TRIP11: variants seen among roughly 807,000 people sequenced by gnomAD.
TRIP11 encodes the protein thyroid hormone receptor interactor 11.
TRIP11 carries 148 observed loss-of-function variants against 223.1 expected under a neutral mutation model. That is an observed-to-expected ratio of 0.66 (90% CI 0.58 to 0.76). The LOEUF (loss-of-function observed/expected upper bound fraction) is 0.76, where lower values mean the gene tolerates loss of function less well. TRIP11 is among the 30% of genes least tolerant of loss of function. The pLI is 0.00. For missense variants in TRIP11, 2,043 were observed against 2,222.0 expected, an observed-to-expected ratio of 0.92 and a Z score of 1.62; for synonymous variants, 762 against 772.6, an observed-to-expected ratio of 0.99 and a Z score of 0.23.
intron 1 of TRIP11, among the ~76,000 whole-genome samples, chr14:92,034,567 G>T (rs1382660196): frequency 1.3e-5 from 2 of 152,144 alleles, no homozygotes; most frequent in Non-Finnish European, 2.9e-5. Flanking sequence ...AATACACTGA[G>T]AACACTTATT....
At position 92,005,712 on chromosome 14, in the gene TRIP11, G is replaced by A. The variant is rs1383020817; in HGVS notation, c.2264C>T (p.Ser755Phe). 1.2e-6 allele frequency: 2 copies of A among 1,613,928 alleles called. No homozygotes were observed. The highest frequency in any genetic ancestry group is 1.3e-5 in the African/African-American group (1 of 75,054). Residue 755 changes from serine (S) to phenylalanine (F), a missense_variant, in exon 11 of 21, where the codon TCT becomes TTT. Transcript: ENST00000267622. ...ELSNARNLNT[S>F]ALQLEHEHLI... ...ATGCTCATGTTCCAGCTGTAAGGCA[G>A]AGGTATTCAAATTACGTGCATTTGA... is the stretch of plus-strand genomic sequence containing the variant.
In TRIP11 at chr14:91,966,286, G is replaced by A; in HGVS notation, c.*3387C>T. ...GACTGGCAAATAATCACAAATGTCAGAACATTAAAGTAGCATTTTTTCCAT... is the reference window on the plus strand; with the variant it reads ...GACTGGCAAATAATCACAAATGTCAAAACATTAAAGTAGCATTTTTTCCAT... On this transcript the variant is annotated 3_prime_UTR_variant, in exon 21 of 21. Coordinates refer to ENST00000267622, the MANE Select transcript of TRIP11 (RefSeq NM_004239.4). 1 of 178,378 alleles carries A rather than the reference G, an allele frequency of 5.6e-6. No homozygotes were observed. The highest frequency in any genetic ancestry group is 1.2e-5 in the Non-Finnish European group (1 of 83,010). 11.0% of individuals were successfully genotyped at this position (178,378 alleles called of 1,614,324 possible). A position where few individuals can be genotyped will look rare whatever the true frequency, so the allele number is the denominator to read the frequency against.
chr14:91,971,331 C>T (rs922973933), intron 20 of TRIP11, among the ~76,000 whole-genome samples: 3 of 152,166 alleles, frequency 2.0e-5, no homozygotes, highest in African/African-American at 4.8e-5. Flanking sequence ...GACAACTTTC[C>T]GAACTCTGGG....
intron 1 of TRIP11, among the ~76,000 whole-genome samples, chr14:92,036,754 T>C (rs944967173): frequency 3.3e-5 from 5 of 152,208 alleles, no homozygotes; most frequent in Non-Finnish European, 7.3e-5. Context: ...TTTATTTTTT[T>C]AGACAGGGTC....
intron 20 of TRIP11, 85 bp downstream of exon 20, chr14:91,972,632 A>C: frequency 7.2e-7 from 1 of 1,397,966 alleles, no homozygotes; most frequent in African/African-American, 1.4e-5. Flanking sequence ...AAATACTAAA[A>C]ATTTAGTTAA....
chr14:91,974,933 C>A (rs74071678), intron 18 of TRIP11, among the ~76,000 whole-genome samples, 190 bp from the exon 19 acceptor site: 1 of 152,084 alleles, frequency 6.6e-6, no homozygotes, highest in Non-Finnish European at 1.5e-5. Context: ...AAATGAAAGT[C>A]TGGGGATATT....
At position 91,993,376 on chromosome 14, in the gene TRIP11, T is replaced by C. The variant is rs577022156; in HGVS notation, c.5160+433A>G. The stretch of plus-strand genomic sequence containing the variant: ...CTGTAATCCCAGCTACTTGGGAGGC[T>C]GAGGCAGGAGAATTGCTTGAACCCG... On this transcript the variant is annotated intron_variant, in intron 15 of 20. Transcript: ENST00000267622. Among the ~76,000 whole-genome samples, 4 of 146,598 alleles carry C rather than the reference T, an allele frequency of 2.7e-5. No individual in the cohort carries two copies. The South Asian group carries it at 8.4e-4, about 31-fold the overall frequency.
intron 11 of TRIP11, among the ~76,000 whole-genome samples, chr14:92,000,884 G>A (rs1259763839): frequency 3.4e-5 from 5 of 146,440 alleles, no homozygotes; most frequent in African/African-American, 2.5e-5. Flanking sequence ...TTTTTGAGAC[G>A]GAGTCTTGCT....
chr14:91,975,309 A>G, intron 17 of TRIP11, 23 bp from the exon 18 acceptor site: 2 of 1,556,800 alleles, frequency 1.3e-6, no homozygotes, highest in Admixed American at 3.3e-5. Context: ...AGGCAGAAAC[A>G]GCTCAAGTGA....
chr14:91,977,159 A>G, intron 16 of TRIP11: 1 of 444,058 alleles, frequency 2.3e-6, no homozygotes, highest in Non-Finnish European at 4.5e-6. Context: ...TTTTCCTAGT[A>G]GTAGCTGGAT....
rs1464001362 is a variant in TRIP11, at chr14:92,021,735, C to T, written c.409G>A (p.Val137Ile). 15 of 1,614,024 alleles carry T rather than the reference C, an allele frequency of 9.3e-6. No homozygotes were observed. The highest frequency in any genetic ancestry group is 4.0e-5 in the African/African-American group (3 of 74,930). The change falls in exon 4 of 21, where the codon GTA (valine) becomes ATA (isoleucine). Residue 137 changes from valine to isoleucine, a missense_variant. Physicochemically the swap from Val to Ile is conservative, Grantham distance 29. Transcript: ENST00000267622. ...GAAGATGATGCAGTGGTTGCTGGTA[C>T]ACCAGCTCCTGAAGGTACTGACTGA... Reference protein sequence around the residue: ...AAQSVPSGAGVPATTASSSFA... With the variant: ...AAQSVPSGAGIPATTASSSFA...
At chr14:91,979,257 C>CAA (rs558337126) in intron 16 of TRIP11, among the ~76,000 whole-genome samples, 35,374 of 102,418 alleles carry the variant, frequency 0.35, 5,162 homozygotes, top group Middle Eastern at 0.43. Context: ...ACCCTGTCTC[C>CAA]AAAAAAAAAA....
At chr14:92,027,139 A>G (rs1013846740) in intron 2 of TRIP11, among the ~76,000 whole-genome samples, 1 of 151,982 alleles carries the variant, frequency 6.6e-6, no homozygotes, top group Non-Finnish European at 1.5e-5. Flanking sequence ...TTTAAAAAGG[A>G]AATTTGTATT....
In TRIP11 at chr14:92,003,846, A is replaced by G. The variant is rs1595386646; in HGVS notation, c.4130T>C (p.Ile1377Thr). ...TCTTTCTAGCTCTGAGGTGGCAGCA[A>G]TCGAATCAGACAATCTGTGGTTATT... ...QENNHRLSDS[I>T]AATSELERKE... Residue 1377 changes from isoleucine (I) to threonine (T), a missense_variant, in exon 11 of 21, where the codon ATT becomes ACT. Ile to Thr is a moderately conservative substitution (Grantham distance 89). Transcript: ENST00000267622. The G allele has an allele frequency of 1.9e-6, 3 of 1,614,112 alleles. No homozygotes were observed. Among genetic ancestry groups the G allele is most frequent in the Non-Finnish European group, 2.5e-6 (3 of 1,180,044 alleles).
At chr14:92,027,562 TAAC>T (rs1201505109) in intron 2 of TRIP11, among the ~76,000 whole-genome samples, 4 of 152,140 alleles carry the variant, frequency 2.6e-5, no homozygotes, top group South Asian at 2.1e-4. Flanking sequence ...TGAGTTGTTC[TAAC>T]AACAACAACA....
chr14:92,014,383 T>A lies in TRIP11; in HGVS notation c.1018A>T (p.Asn340Tyr). 1 of 1,613,832 alleles carries A rather than the reference T, an allele frequency of 6.2e-7. No homozygotes were observed. Among genetic ancestry groups the A allele is most frequent in the Non-Finnish European group, 8.5e-7 (1 of 1,179,964 alleles). ...DILRREQEQL[N>Y]VEKRQIMEEC... ...TCCATTATTTGTCTCTTTTCCACAT[T>A]TAGCTGTTCTTGTTCTCTCCTCAAA... Residue 340 changes from asparagine (N) to tyrosine (Y), a missense_variant, in exon 7 of 21, where the codon AAT (asparagine) becomes TAT (tyrosine). Physicochemically the swap from Asn to Tyr is moderately radical, Grantham distance 143 (BLOSUM62 -2). Coordinates refer to ENST00000267622, the MANE Select transcript of TRIP11 (RefSeq NM_004239.4).
Position 92,005,919 on chromosome 14 carries a change from C to T in TRIP11, c.2057G>A (p.Cys686Tyr). The change falls in exon 11 of 21, where the codon TGT becomes TAT. Residue 686 changes from cysteine to tyrosine, a missense_variant. Physicochemically the swap from Cys to Tyr is radical, Grantham distance 194. Transcript: ENST00000267622. ...TTCTAACTGATGCCTCACATCTTCACATGCTAAAACTAACTTTTCATTTTC... is the reference window on the plus strand; with the variant it reads ...TTCTAACTGATGCCTCACATCTTCATATGCTAAAACTAACTTTTCATTTTC... Reference protein sequence around the residue: ...KMENEKLVLACEDVRHQLEEC... With the variant: ...KMENEKLVLAYEDVRHQLEEC... 4 of 1,613,680 alleles carry T rather than the reference C, an allele frequency of 2.5e-6. No individual in the cohort carries two copies. Among genetic ancestry groups the T allele is most frequent in the Non-Finnish European group, 3.4e-6 (4 of 1,179,956 alleles).
chr14:91,976,658 C>T (rs964094895), intron 16 of TRIP11, among the ~76,000 whole-genome samples: 30 of 152,226 alleles, frequency 2.0e-4, no homozygotes, highest in African/African-American at 7.2e-4. Flanking sequence ...AAGACCATGG[C>T]TCAGGATGCA....
At position 91,995,336 on chromosome 14, in the gene TRIP11, T is replaced by C; in HGVS notation, c.5056+16A>G. 1.2e-6 allele frequency: 2 copies of C among 1,612,610 alleles called. No homozygotes were observed. Among genetic ancestry groups the C allele is most frequent in the East Asian group, 4.5e-5 (2 of 44,858 alleles). On this transcript the variant is annotated intron_variant, in intron 14 of 20. Transcript: ENST00000267622. ...CTACAATTTTTCTTCATTGAAAGAGTGACCGTAGAGCTTACCTTGTTGGAA... is the reference window on the plus strand; with the variant it reads ...CTACAATTTTTCTTCATTGAAAGAGCGACCGTAGAGCTTACCTTGTTGGAA...
Sources: gnomAD v4.1 joint callset for allele counts (sites outside exome capture counted in the v4.1 genomes callset) on GRCh38, gnomAD v4.1.1 for gene constraint, MANE v1.5 for transcripts, NCBI Gene and HGNC (gene_info 2026-07-23, HGNC 2026-07-21) for gene names.